The following CNTLN variants were observed in gnomAD, a reference collection of about 807,000 sequenced individuals.
The protein encoded by CNTLN is centlein, centrosomal protein.
CNTLN carries 212 observed loss-of-function variants against 180.0 expected under a neutral mutation model. The ratio of observed to expected loss-of-function variants is 1.18; its 90% CI spans 1.05 to 1.32. The LOEUF is 1.32. Among genes scored for constraint, CNTLN ranks in the 40% most tolerant of loss-of-function variants. CNTLN has a pLI of 0.00. For missense variants in CNTLN, 2,095 were observed against 1,610.9 expected (o/e 1.30, Z -5.14); for synonymous variants, 722 against 563.1 (o/e 1.28, Z -3.99).
At chr9:17,146,307 C>T (rs182125288) in intron 2 of CNTLN, among the ~76,000 whole-genome samples, 26 of 151,766 alleles carry the variant, frequency 1.7e-4, no homozygotes, top group Non-Finnish European at 3.2e-4. Context: ...TCATGTTTTC[C>T]ATCTTTTTAT....
At chr9:17,500,056 G>T (rs995231407) in intron 25 of CNTLN, among the ~76,000 whole-genome samples, 2 of 152,230 alleles carry the variant, frequency 1.3e-5, no homozygotes, top group Admixed American at 6.5e-5. Context: ...AGACAAATAG[G>T]TTCCTGCAAG....
intron 2 of CNTLN, among the ~76,000 whole-genome samples, chr9:17,215,736 C>G (rs1049594347): frequency 6.6e-6 from 1 of 152,128 alleles, no homozygotes; most frequent in South Asian, 2.1e-4. Context: ...TTTACCTACT[C>G]AAGCCTCAGC....
chr9:17,167,073 T>C (rs1443616386), intron 2 of CNTLN: 1 of 203,322 alleles, frequency 4.9e-6, no homozygotes. Flanking sequence ...TTCATACTTT[T>C]TGAGAATTTT....
chr9:17,169,807 T>C (rs1401004147), intron 2 of CNTLN, among the ~76,000 whole-genome samples: 4 of 152,192 alleles, frequency 2.6e-5, no homozygotes, highest in Non-Finnish European at 1.5e-5. Context: ...TATAGCTTTG[T>C]AATCTGATTT....
chr9:17,311,155 G>A (rs932855758), intron 8 of CNTLN, among the ~76,000 whole-genome samples: 1 of 151,814 alleles, frequency 6.6e-6, no homozygotes. Context: ...CTCCCGAGTA[G>A]CTGGGATTAT....
chr9:17,514,320 AAAG>A, the CNTLN span, among the ~76,000 whole-genome samples: 1 of 152,260 alleles, frequency 6.6e-6, no homozygotes, highest in Admixed American at 6.5e-5. Context: ...AAACAAAACA[AAAG>A]AAGTGGTAGA....
intron 2 of CNTLN, among the ~76,000 whole-genome samples, chr9:17,175,500 C>G (rs1314407376): frequency 6.6e-6 from 1 of 152,128 alleles, no homozygotes; most frequent in Non-Finnish European, 1.5e-5. Flanking sequence ...TTCTATTGAT[C>G]TATAGGTCTG....
chr9:17,386,446 A>G (rs1167705368), intron 13 of CNTLN, among the ~76,000 whole-genome samples: 6 of 152,228 alleles, frequency 3.9e-5, no homozygotes. Flanking sequence ...AAAGTGAAGC[A>G]TATGCTCACA....
At chr9:17,202,499 G>T (rs1043480918) in intron 2 of CNTLN, among the ~76,000 whole-genome samples, 1 of 151,946 alleles carries the variant, frequency 6.6e-6, no homozygotes, top group Non-Finnish European at 1.5e-5. Context: ...TATGAATCTG[G>T]GTGTTCCTGT....
At chr9:17,147,380 C>T (rs899713535) in intron 2 of CNTLN, among the ~76,000 whole-genome samples, 2 of 152,030 alleles carry the variant, frequency 1.3e-5, no homozygotes, top group Non-Finnish European at 2.9e-5. Flanking sequence ...GGAGGCTCAG[C>T]TTTTTTTGGT....
intron 25 of CNTLN, among the ~76,000 whole-genome samples, chr9:17,493,246 CAT>C (rs1833264521): frequency 1.3e-5 from 2 of 152,008 alleles, no homozygotes; most frequent in African/African-American, 4.8e-5. Flanking sequence ...ATTTCTATAA[CAT>C]AAAACAATTT....
chr9:17,331,486 C>T (rs538115498), intron 9 of CNTLN, among the ~76,000 whole-genome samples: 1 of 151,920 alleles, frequency 6.6e-6, no homozygotes, highest in East Asian at 1.9e-4. Context: ...ATTGAAATAA[C>T]ATTTTCCTCA....
intron 1 of CNTLN, among the ~76,000 whole-genome samples, chr9:17,136,116 G>A (rs1156832032): frequency 6.6e-6 from 1 of 152,192 alleles, no homozygotes; most frequent in Admixed American, 6.5e-5. Context: ...TTGTAAGGAT[G>A]GACTTGACTA....
chr9:17,518,431 T>C, the CNTLN span, among the ~76,000 whole-genome samples: 10 of 152,202 alleles, frequency 6.6e-5, no homozygotes, highest in African/African-American at 2.4e-4. Flanking sequence ...TTAGAATATC[T>C]AAGTTTTAAG....
chr9:17,391,817 A>G (rs1826136439), intron 14 of CNTLN, among the ~76,000 whole-genome samples: 1 of 152,146 alleles, frequency 6.6e-6, no homozygotes. Flanking sequence ...ATTGTTTACT[A>G]CTTACTGTCA....
chr9:17,395,944 A>G (rs1003950404), intron 15 of CNTLN, among the ~76,000 whole-genome samples: 1 of 152,146 alleles, frequency 6.6e-6, no homozygotes, highest in Non-Finnish European at 1.5e-5. Flanking sequence ...GTCAGTACAA[A>G]ACAAAGGTCA....
At chr9:17,278,772 AC>A (rs966644556) in intron 6 of CNTLN, among the ~76,000 whole-genome samples, 5 of 152,166 alleles carry the variant, frequency 3.3e-5, no homozygotes, top group African/African-American at 9.6e-5. Flanking sequence ...AAAGAAAAAA[AC>A]GTTAGACTAA....
intron 2 of CNTLN, among the ~76,000 whole-genome samples, chr9:17,207,478 G>A (rs1361909264): frequency 2.0e-5 from 3 of 152,146 alleles, no homozygotes; most frequent in Admixed American, 6.5e-5. Flanking sequence ...CAGGTCCCTG[G>A]TGGTGTCAGC....
rs540988878 is a variant in CNTLN at position 17,135,307 on chromosome 9, G to T, written c.242G>T (p.Ser81Ile). 7.5e-6 allele frequency: 12 copies of T among 1,601,714 alleles called. No homozygotes were observed. The South Asian group carries it at 1.4e-4, about 18-fold the overall frequency. ...GCTCCGGCTCATGCTCCCCTCCTCA[G>T]CGCGCCCATGGGGTCCAGACGGCTA... is the stretch of plus-strand genomic sequence containing the variant. ...GAAPAHAPLL[S>I]APMGSRRLEG... The change falls in exon 1 of 26, where the codon AGC becomes ATC. Residue 81 changes from serine to isoleucine, a missense_variant. Physicochemically the swap from Ser to Ile is moderately radical, Grantham distance 142 (BLOSUM62 -2). Coordinates refer to ENST00000380647, the MANE Select transcript of CNTLN (RefSeq NM_017738.4).
Sources: allele counts gnomAD v4.1 joint callset (sites outside exome capture counted in the v4.1 genomes callset), GRCh38; gene constraint gnomAD v4.1.1; transcripts MANE v1.5; gene names NCBI Gene and HGNC (gene_info 2026-07-23, HGNC 2026-07-21).